The following VPS35L variants were observed in gnomAD, a reference collection of about 807,000 sequenced individuals.
VPS35L encodes VPS35 endosomal protein-sorting factor-like.
VPS35L carries 83 observed loss-of-function variants against 133.0 expected under a neutral mutation model. The ratio of observed to expected loss-of-function variants is 0.62; its 90% confidence interval spans 0.52 to 0.75. The LOEUF (loss-of-function observed/expected upper bound fraction) is 0.75. Among genes scored for constraint, VPS35L ranks in the 30% least tolerant of loss-of-function variants. The probability of loss-of-function intolerance (pLI) is 0.00; values close to 1 mark genes in which losing one functional copy is unlikely to be tolerated. For missense variants in VPS35L, 1,083 were observed against 1,206.8 expected, an observed-to-expected ratio of 0.90 and a Z score of 1.52; for synonymous variants, 423 against 449.9, an observed-to-expected ratio of 0.94 and a Z score of 0.76.
intron 14 of VPS35L, chr16:19,617,415 G>A (rs1179395147): frequency 6.3e-6 from 1 of 158,966 alleles, no homozygotes; most frequent in Non-Finnish European, 1.4e-5. Context: ...CCATAGAATT[G>A]GGCTCCAGGG....
intron 20 of VPS35L, 34 bp downstream of exon 20, chr16:19,637,690 T>C (rs757100793): frequency 6.9e-7 from 1 of 1,455,258 alleles, no homozygotes; most frequent in Non-Finnish European, 9.5e-7. Flanking sequence ...TTTGGAAATT[T>C]GTACCTGGCT....
chr16:19,637,510 G>T, intron 19 of VPS35L, 84 bp from the exon 20 acceptor site: 1 of 1,037,168 alleles, frequency 9.6e-7, no homozygotes, highest in Admixed American at 2.9e-5. Context: ...AAAAATTTAG[G>T]TTTTCCTGAG....
At chr16:19,679,107 TA>T (rs1323001904) in intron 27 of VPS35L, among the ~76,000 whole-genome samples, 2 of 115,852 alleles carry the variant, frequency 1.7e-5, no homozygotes, top group Non-Finnish European at 3.2e-5. Flanking sequence ...ATAGCCTAGT[TA>T]AAAACAGCTG....
chr16:19,595,073 CG>C (rs1397674700), intron 8 of VPS35L, among the ~76,000 whole-genome samples: 10 of 152,072 alleles, frequency 6.6e-5, no homozygotes, highest in African/African-American at 2.4e-4. Context: ...GAGATGAGCC[CG>C]GGAGAGGGGC....
intron 1 of VPS35L, among the ~76,000 whole-genome samples, chr16:19,560,869 T>C (rs1806096717): frequency 6.6e-6 from 1 of 151,662 alleles, no homozygotes; most frequent in African/African-American, 2.4e-5. Context: ...TGTTGATGAC[T>C]CTTATTCAAA....
Position 19,640,543 on chromosome 16 carries a change from C to T in VPS35L, c.1784+443C>T, listed in dbSNP as rs80154903. On this transcript the variant is annotated intron_variant, in intron 21 of 30. Coordinates refer to ENST00000417362, the MANE Select transcript of VPS35L (RefSeq NM_020314.7). ...ACATACATACTTACGAAGAAGGCACCGGTGCTAGAAAGGTTTTCATCTTCA... is the reference window on the plus strand; with the variant it reads ...ACATACATACTTACGAAGAAGGCACTGGTGCTAGAAAGGTTTTCATCTTCA... Among the ~76,000 whole-genome samples the T allele has an allele frequency of 8.6e-4, 131 of 152,206 alleles. 2 individuals are homozygous for T. The East Asian group carries it at 0.024, about 28-fold the overall frequency.
intron 21 of VPS35L, among the ~76,000 whole-genome samples, chr16:19,640,632 GA>G (rs1243981592): frequency 4.6e-5 from 7 of 151,886 alleles, no homozygotes; most frequent in South Asian, 2.1e-4. Flanking sequence ...TAACAAAAAA[GA>G]AAAAAAATCA....
At chr16:19,622,140 C>CTTTT (rs60521137) in intron 14 of VPS35L, among the ~76,000 whole-genome samples, 66 of 107,918 alleles carry the variant, frequency 6.1e-4, no homozygotes, top group African/African-American at 1.8e-3. Flanking sequence ...CCATGTATAT[C>CTTTT]TTTTTTTTTT....
chr16:19,582,337 T>G lies in VPS35L; in HGVS notation c.639+684T>G, dbSNP rs550025325. On this transcript the variant is annotated intron_variant, in intron 7 of 30. Transcript: ENST00000417362. ...CAGAGCAGAGTCTACAAAGGATTTCTGAACTGCCATTTTAGTTCAAAAGGA... is the reference window on the plus strand; with the variant it reads ...CAGAGCAGAGTCTACAAAGGATTTCGGAACTGCCATTTTAGTTCAAAAGGA... 7.0e-4 allele frequency among the ~76,000 whole-genome samples: 106 copies of G among 152,348 alleles called. 1 individual carries two copies. Among genetic ancestry groups the G allele is most frequent in the African/African-American group, 2.5e-3 (103 of 41,590 alleles).
chr16:19,695,880 A>C (rs913010805), intron 29 of VPS35L, among the ~76,000 whole-genome samples: 3 of 151,322 alleles, frequency 2.0e-5, no homozygotes, highest in African/African-American at 7.4e-5. Context: ...TGAACATGTT[A>C]TCCTTCTTTT....
chr16:19,590,368 T>G (rs1972008447), intron 7 of VPS35L, among the ~76,000 whole-genome samples: 1 of 152,168 alleles, frequency 6.6e-6, no homozygotes, highest in African/African-American at 2.4e-5. Context: ...AATAATCCTT[T>G]CTAAATGTCT....
rs888768999 is a variant in VPS35L, at chr16:19,699,391, G to C, written c.2647-111G>C. 2.2e-6 allele frequency: 3 copies of C among 1,333,388 alleles called. No individual in the cohort carries two copies. The highest frequency in any genetic ancestry group is 3.1e-6 in the Non-Finnish European group (3 of 971,338). 82.6% of individuals were successfully genotyped at this position (1,333,388 alleles called of 1,614,324 possible). On this transcript the variant is annotated intron_variant, in intron 29 of 30. Coordinates refer to ENST00000417362, the MANE Select transcript of VPS35L (RefSeq NM_020314.7). This position sits in a 1 kb window ranked among gnomAD's most constrained non-coding sequence, Gnocchi z 4.2. ...CCTACAGCAAATACATGGCAGAGCT[G>C]GCACTGGAACTCAGGCATGACCTAC...
intron 1 of VPS35L, among the ~76,000 whole-genome samples, chr16:19,560,433 A>G (rs546874617): frequency 6.6e-6 from 1 of 152,366 alleles, no homozygotes; most frequent in South Asian, 2.1e-4. Context: ...CTTTCCTGTC[A>G]CATTCAATTT....
At chr16:19,588,163 G>GTATGTATA (rs1410010243) in intron 7 of VPS35L, among the ~76,000 whole-genome samples, 1 of 148,762 alleles carries the variant, frequency 6.7e-6, no homozygotes, top group Non-Finnish European at 1.5e-5. Context: ...ATATAAGTAT[G>GTATGTATA]TATGTATGTA....
In VPS35L at chr16:19,613,870, G is replaced by T. The variant is rs188901642; in HGVS notation, c.1024-2244G>T. Among the ~76,000 whole-genome samples, 178 of 152,242 alleles carry T rather than the reference G, an allele frequency of 1.2e-3. No individual in the cohort carries two copies. In the Middle Eastern group the frequency reaches 0.02, roughly 17 times the overall value. Reference sequence around the variant, plus strand: ...AATCTAATTTGCCGATACCAGCAATGGGGGGGATGAATGCTGGGCAGGCCG... The same window carrying T: ...AATCTAATTTGCCGATACCAGCAATTGGGGGGATGAATGCTGGGCAGGCCG... On this transcript the variant is annotated intron_variant, in intron 12 of 30. Coordinates refer to ENST00000417362, the MANE Select transcript of VPS35L (RefSeq NM_020314.7).
At chr16:19,693,293 G>A (rs369374482) in intron 29 of VPS35L, among the ~76,000 whole-genome samples, 3 of 152,058 alleles carry the variant, frequency 2.0e-5, no homozygotes, top group Non-Finnish European at 1.5e-5. Flanking sequence ...GTTGCGGGGG[G>A]GCAGGGGAGG....
chr16:19,652,013 T>G lies in VPS35L; in HGVS notation c.2144T>G (p.Leu715Arg). ...TACTGCTTCATCACCATCCCCTCCC[T>G]GGCGGGCATCTTCACACGTCTCAAT... ...VAYCFITIPS[L>R]AGIFTRLNLY... The change falls in exon 26 of 31, where the codon CTG (leucine) becomes CGG (arginine). Residue 715 changes from leucine to arginine, a missense_variant. Transcript: ENST00000417362. 6.2e-7 allele frequency: 1 copy of G among 1,613,568 alleles called. No individual in the cohort carries two copies. Among genetic ancestry groups the G allele is most frequent in the Non-Finnish European group, 8.5e-7 (1 of 1,179,742 alleles).
chr16:19,624,697 C>T (rs1314286879), intron 14 of VPS35L, among the ~76,000 whole-genome samples: 1 of 152,216 alleles, frequency 6.6e-6, no homozygotes, highest in Non-Finnish European at 1.5e-5. Flanking sequence ...CTTCCCACCT[C>T]AGCCTCCCAA....
rs553099943 is a variant in VPS35L at position 19,579,232 on chromosome 16, C to A, written c.510+104C>A. 2.8e-6 allele frequency: 3 copies of A among 1,066,180 alleles called. No homozygotes were observed. The African/African-American group carries it at 4.7e-5, about 17-fold the overall frequency. 66.0% of individuals were successfully genotyped at this position (1,066,180 alleles called of 1,614,324 possible). On this transcript the variant is annotated intron_variant, in intron 6 of 30. Transcript: ENST00000417362. ...TGCTCTTTGATTAATTCCTGGGCTG[C>A]GCATTGTGCTTGGTCCTCTCGAGGC...
Sources: gnomAD v4.1 joint callset for allele counts (sites outside exome capture counted in the v4.1 genomes callset) on GRCh38, gnomAD v4.1.1 for gene constraint, Gnocchi (gnomAD v3.1) non-coding constraint, MANE v1.5 for transcripts, NCBI Gene and HGNC (gene_info 2026-07-23, HGNC 2026-07-21) for gene names.